The following TRDMT1 variants were observed in gnomAD, a reference collection of about 807,000 sequenced individuals.
TRDMT1 encodes the protein tRNA (cytosine(38)-C(5))-methyltransferase.
Under a neutral mutation model 51.2 loss-of-function variants are expected in TRDMT1, and 49 were observed. The observed-to-expected ratio is 0.96, with a 90% CI of 0.76 to 1.21. The LOEUF is 1.21. TRDMT1 is among the 50% of genes most tolerant of loss of function. TRDMT1 has a pLI of 0.00. For missense variants in TRDMT1, 534 were observed against 462.3 expected, an observed-to-expected ratio of 1.16 and a Z score of -1.42; for synonymous variants, 187 against 164.6, an observed-to-expected ratio of 1.14 and a Z score of -1.04.
At chr10:17,160,835 T>G (rs7924149) in intron 5 of TRDMT1, among the ~76,000 whole-genome samples, 20,880 of 152,170 alleles carry the variant, frequency 0.14, 1,529 homozygotes, top group Admixed American at 0.17. Context: ...GACCCTACGT[T>G]TTTACTAAGT....
chr10:17,201,541 T>G, intron 1 of TRDMT1, 30 bp downstream of exon 1: 2 of 1,541,596 alleles, frequency 1.3e-6, no homozygotes, highest in Non-Finnish European at 1.8e-6. Flanking sequence ...CGTGAGCGAA[T>G]AGAGAGAGGG....
chr10:17,170,968 T>C (rs1841903017), intron 2 of TRDMT1, among the ~76,000 whole-genome samples: 1 of 152,006 alleles, frequency 6.6e-6, no homozygotes, highest in South Asian at 2.1e-4. Flanking sequence ...TCTATTTATA[T>C]GATATTTCTC....
At chr10:17,155,734 A>T (rs1165583598) in intron 8 of TRDMT1, among the ~76,000 whole-genome samples, 1 of 152,208 alleles carries the variant, frequency 6.6e-6, no homozygotes, top group African/African-American at 2.4e-5. Flanking sequence ...AACAGTTTAA[A>T]ATAAGAATTA....
chr10:17,148,809 T>C lies in TRDMT1; in HGVS notation c.*231A>G, dbSNP rs1275656512. ...TCCACATATATATTTATCAGTTTCATATGAAAATATACTCTCCATAAAGCA... is the reference window on the plus strand; with the variant it reads ...TCCACATATATATTTATCAGTTTCACATGAAAATATACTCTCCATAAAGCA... On this transcript the variant is annotated 3_prime_UTR_variant, in exon 11 of 11. Coordinates refer to ENST00000377799, the MANE Select transcript of TRDMT1 (RefSeq NM_004412.7). 1.1e-5 allele frequency: 12 copies of C among 1,081,792 alleles called. No individual in the cohort carries two copies. In the African/African-American group the frequency reaches 1.2e-4, roughly 10 times the overall value. The allele number at this position is 1,081,792 out of a possible 1,614,324, so 67.0% of individuals were successfully genotyped here.
intron 10 of TRDMT1, among the ~76,000 whole-genome samples, chr10:17,149,896 G>C (rs1838464487): frequency 6.6e-6 from 1 of 151,956 alleles, no homozygotes; most frequent in Non-Finnish European, 1.5e-5. Flanking sequence ...ATAGACATTT[G>C]GATTGTATCT....
intron 1 of TRDMT1, among the ~76,000 whole-genome samples, chr10:17,196,091 T>C (rs1364939530): frequency 6.6e-6 from 1 of 152,204 alleles, no homozygotes; most frequent in Non-Finnish European, 1.5e-5. Context: ...GCTGGTCTAG[T>C]AGACTCCCAA....
chr10:17,169,672 C>A (rs1377023291), intron 2 of TRDMT1: 1 of 493,338 alleles, frequency 2.0e-6, no homozygotes. Flanking sequence ...CTAATTATAG[C>A]CCACTTCTAA....
intron 10 of TRDMT1, 142 bp from the exon 11 acceptor site, chr10:17,149,282 G>C: frequency 1.6e-6 from 1 of 644,872 alleles, no homozygotes; most frequent in East Asian, 2.8e-5. Context: ...TAACAAAAGA[G>C]AATTTGGAGC....
chr10:17,147,446 T>C lies in TRDMT1; in HGVS notation c.*1594A>G, dbSNP rs1192875294. ...TTTTAACTATTTTTAAATATACAGT[T>C]GCAGTGGCATTAAGTACACTCACAC... On this transcript the variant is annotated 3_prime_UTR_variant, in exon 11 of 11. Transcript: ENST00000377799. The C allele has an allele frequency of 2.8e-6, 2 of 723,416 alleles. No individual in the cohort carries two copies. The highest frequency in any genetic ancestry group is 3.4e-6 in the Non-Finnish European group (2 of 590,998). The allele number at this position is 723,416 out of a possible 1,614,324, so 44.8% of individuals were successfully genotyped here. A position where few individuals can be genotyped will look rare whatever the true frequency, so the allele number is the denominator to read the frequency against.
chr10:17,185,589 C>T (rs1367108869), intron 1 of TRDMT1, among the ~76,000 whole-genome samples: 1 of 152,114 alleles, frequency 6.6e-6, no homozygotes, highest in Non-Finnish European at 1.5e-5. Flanking sequence ...ATCATGCTGC[C>T]ATAAAGACAC....
At chr10:17,152,356 G>A (rs1480465706) in intron 10 of TRDMT1, among the ~76,000 whole-genome samples, 1 of 152,162 alleles carries the variant, frequency 6.6e-6, no homozygotes, top group South Asian at 2.1e-4. Context: ...ATTACCAAGA[G>A]AGTAGTCAAA....
intron 1 of TRDMT1, among the ~76,000 whole-genome samples, chr10:17,186,533 A>G (rs1312772127): frequency 6.6e-6 from 1 of 152,174 alleles, no homozygotes; most frequent in Non-Finnish European, 1.5e-5. Flanking sequence ...AAAGCCAAGC[A>G]AATGAATTCT....
rs371682545 is a variant in TRDMT1 at position 17,161,499 on chromosome 10, C to T, written c.373G>A (p.Glu125Lys). 4 of 1,365,070 alleles carry T rather than the reference C, an allele frequency of 2.9e-6. No homozygotes were observed. The highest frequency in any genetic ancestry group is 4.0e-6 in the Non-Finnish European group (4 of 1,010,524). The allele number at this position is 1,365,070 out of a possible 1,614,324, so 84.6% of individuals were successfully genotyped here. Reference sequence around the variant, plus strand: ...TTTTTTTACCTTGTAGAAGATACTTCAAAACCTTTAACATTTTCCAAAAGA... The same window carrying T: ...TTTTTTTACCTTGTAGAAGATACTTTAAAACCTTTAACATTTTCCAAAAGA... ...YILLENVKGF[E>K]VSSTRDLLIQ... is the part of the protein sequence containing the mutation. Residue 125 changes from glutamate to lysine, a missense_variant, in exon 5 of 11, where the codon GAA becomes AAA. Physicochemically the swap from Glu to Lys is moderately conservative, Grantham distance 56. Transcript: ENST00000377799.
rs375260069 is a variant in TRDMT1 at position 17,160,309 on chromosome 10, G to A, written c.455C>T (p.Thr152Ile). 1.2e-5 allele frequency: 18 copies of A among 1,556,654 alleles called. No homozygotes were observed. Among genetic ancestry groups the A allele is most frequent in the Non-Finnish European group, 1.6e-5 (18 of 1,152,030 alleles). Residue 152 changes from threonine (T) to isoleucine (I), a missense_variant, in exon 6 of 11, where the codon ACC (threonine) becomes ATC (isoleucine). By Grantham distance (89) the Thr-to-Ile change is moderately conservative (BLOSUM62 -1). Transcript: ENST00000377799. ...FQYQEFLLSP[T>I]SLGIPNSRLR... ...ATTTATAACTGTGATACCTACAGAGGTTGGAGATAATAGAAACTCTTGGTA... is the reference window on the plus strand; with the variant it reads ...ATTTATAACTGTGATACCTACAGAGATTGGAGATAATAGAAACTCTTGGTA...
intron 3 of TRDMT1, among the ~76,000 whole-genome samples, chr10:17,165,251 C>G (rs1247221740): frequency 6.6e-6 from 1 of 152,226 alleles, no homozygotes. Context: ...ACAAACCTGA[C>G]AAAAACAAGA....
intron 10 of TRDMT1, chr10:17,150,343 A>C: frequency 1.0e-6 from 1 of 970,598 alleles, no homozygotes; most frequent in Non-Finnish European, 1.2e-6. Flanking sequence ...TTAATTGTTG[A>C]ATGGTAAGAG....
Position 17,150,651 on chromosome 10 carries a change from A to C in TRDMT1, c.1076-1511T>G, listed in dbSNP as rs894374868. The C allele has an allele frequency of 3.0e-6, 3 of 985,004 alleles. No individual in the cohort carries two copies. The African/African-American group carries it at 5.2e-5, about 17-fold the overall frequency. The allele number at this position is 985,004 out of a possible 1,614,324, so 61.0% of individuals were successfully genotyped here. On this transcript the variant is annotated intron_variant, in intron 10 of 10. Transcript: ENST00000377799. The stretch of plus-strand genomic sequence containing the variant: ...GATAAGAAAATGAAAAACAATTAGG[A>C]GCATTAAGAATAGCAAAATTTCATA...
In TRDMT1 at chr10:17,147,472, T is replaced by C; in HGVS notation, c.*1568A>G. The C allele has an allele frequency of 1.9e-6, 1 of 516,296 alleles. No individual in the cohort carries two copies. The highest frequency in any genetic ancestry group is 2.5e-6 in the Non-Finnish European group (1 of 401,352). 32.0% of individuals were successfully genotyped at this position (516,296 alleles called of 1,614,324 possible). Reference sequence around the variant, plus strand: ...GCAGTGGCATTAAGTACACTCACACTGTTGTGCAACCATCCTCCCCATCCA... The same window carrying C: ...GCAGTGGCATTAAGTACACTCACACCGTTGTGCAACCATCCTCCCCATCCA... On this transcript the variant is annotated 3_prime_UTR_variant, in exon 11 of 11. Coordinates refer to ENST00000377799, the MANE Select transcript of TRDMT1 (RefSeq NM_004412.7).
rs192907129 is a variant in TRDMT1, at chr10:17,144,329, G to A, written c.*4711C>T. The A allele has an allele frequency of 3.8e-3, 3,786 of 985,418 alleles. 7 individuals carry two copies. Among genetic ancestry groups the A allele is most frequent in the Non-Finnish European group, 4.2e-3 (3,511 of 829,928 alleles). The allele number at this position is 985,418 out of a possible 1,614,324, so 61.0% of individuals were successfully genotyped here. On this transcript the variant is annotated 3_prime_UTR_variant, in exon 11 of 11. Transcript: ENST00000377799. ...CAAACAAAATACAGAGCAAATATTT[G>A]AAGTAAACACTGAAGCCATGCTAGG...
Sources: gnomAD v4.1 joint callset for allele counts (sites outside exome capture counted in the v4.1 genomes callset) on GRCh38, gnomAD v4.1.1 for gene constraint, MANE v1.5 for transcripts, NCBI Gene and HGNC (gene_info 2026-07-23, HGNC 2026-07-21) for gene names.